DENND3: variants seen among roughly 807,000 people sequenced by gnomAD.
DENND3 encodes DENN domain containing 3.
In DENND3, 88 loss-of-function variants were observed where a neutral mutation model predicts 135.1. That is an observed-to-expected ratio of 0.65 (90% CI 0.55 to 0.78). The LOEUF is 0.78. DENND3 is among the 30% of genes least tolerant of loss of function. The pLI, the probability that DENND3 is intolerant of heterozygous loss-of-function variation, is 0.00. For missense variants in DENND3, 1,392 were observed against 1,688.4 expected, an observed-to-expected ratio of 0.82 and a Z score of 3.08; for synonymous variants, 693 against 712.3, an observed-to-expected ratio of 0.97 and a Z score of 0.43.
rs760753199 is a variant in DENND3, at chr8:141,136,761, C to A, written c.355C>A (p.Leu119Ile). The change falls in exon 2 of 23, where the codon CTC (leucine) becomes ATC (isoleucine). Residue 119 changes from leucine to isoleucine, a missense_variant. Coordinates refer to ENST00000519811, the MANE Select transcript of DENND3 (RefSeq NM_001352890.3). ...EDVAVPGGVD[L>I]LTLPQLCFPG... is the part of the protein sequence containing the mutation. ...TGTCGCCGTCCCGGGCGGCGTGGACCTCCTCACCCTGCCGCAGCTGTGCTT... is the reference window on the plus strand; with the variant it reads ...TGTCGCCGTCCCGGGCGGCGTGGACATCCTCACCCTGCCGCAGCTGTGCTT... 7 of 1,589,106 alleles carry A rather than the reference C, an allele frequency of 4.4e-6. No individual in the cohort carries two copies. Among genetic ancestry groups the A allele is most frequent in the Non-Finnish European group, 6.0e-6 (7 of 1,168,810 alleles).
In DENND3 at chr8:141,188,971, G is replaced by C. The variant is rs761569405; in HGVS notation, c.3085-15G>C. Reference sequence around the variant, plus strand: ...AGACTGACTGATTTCTCACGTTCCCGTGGCCTCCTGTTAGAACTGCATGGT... The same window carrying C: ...AGACTGACTGATTTCTCACGTTCCCCTGGCCTCCTGTTAGAACTGCATGGT... On this transcript the variant is annotated splice_polypyrimidine_tract_variant and intron_variant, in intron 18 of 22. Transcript: ENST00000519811. 3 of 1,606,928 alleles carry C rather than the reference G, an allele frequency of 1.9e-6. No homozygotes were observed. The African/African-American group carries it at 4.0e-5, about 22-fold the overall frequency.
chr8:141,147,871 G>T (rs1384576674), intron 5 of DENND3, among the ~76,000 whole-genome samples: 1 of 152,222 alleles, frequency 6.6e-6, no homozygotes, highest in African/African-American at 2.4e-5. Context: ...GTGTTAGCCA[G>T]TCAGTGCCTG....
At chr8:141,193,040 G>A (rs1415840302) in intron 22 of DENND3, 10 of 521,850 alleles carry the variant, frequency 1.9e-5, no homozygotes, top group African/African-American at 4.0e-5. Flanking sequence ...TCATGTGGCC[G>A]CCGTCCTTGG....
rs1817782426 is a variant in DENND3, at chr8:141,144,211, T to C, written c.687T>C (p.Ala229=). 2.5e-6 allele frequency: 4 copies of C among 1,613,946 alleles called. No homozygotes were observed. The South Asian group carries it at 4.4e-5, about 18-fold the overall frequency. ...TGGACAGTCATATAAAAGATTTCGC[T>C]GCGAAGCTGTCTTTAATACCCAGCC... The part of the protein sequence containing the change: ...FEVDSHIKDF[A]AKLSLIPSPP... Residue 229 remains alanine (A), a synonymous_variant, in exon 5 of 23, where the codon GCT becomes GCC. Coordinates refer to ENST00000519811, the MANE Select transcript of DENND3 (RefSeq NM_001352890.3). This position sits in a 1 kb window ranked among gnomAD's most constrained non-coding sequence, Gnocchi z 4.4.
At position 141,139,690 on chromosome 8, in the gene DENND3, A is replaced by T. The variant is rs770236407; in HGVS notation, c.502-1513A>T. 2.0e-5 allele frequency among the ~76,000 whole-genome samples: 3 copies of T among 152,208 alleles called. No individual in the cohort carries two copies. The highest frequency in any genetic ancestry group is 2.9e-5 in the Non-Finnish European group (2 of 68,040). ...GAGCAATGCGCATGTTGTTTTCGTT[A>T]TCATTAAATATAATACATATTAAAA... On this transcript the variant is annotated intron_variant, in intron 3 of 22. Coordinates refer to ENST00000519811, the MANE Select transcript of DENND3 (RefSeq NM_001352890.3). This position sits in a 1 kb window ranked among gnomAD's most constrained non-coding sequence, Gnocchi z 4.2.
chr8:141,137,913 C>A lies in DENND3; in HGVS notation c.386-109C>A. 9.1e-7 allele frequency: 1 copy of A among 1,093,584 alleles called. No homozygotes were observed. Among genetic ancestry groups the A allele is most frequent in the Non-Finnish European group, 1.3e-6 (1 of 759,172 alleles). 67.7% of individuals were successfully genotyped at this position (1,093,584 alleles called of 1,614,324 possible). A position where few individuals can be genotyped will look rare whatever the true frequency, so the allele number is the denominator to read the frequency against. On this transcript the variant is annotated intron_variant, in intron 2 of 22. Transcript: ENST00000519811. The surrounding 1 kb of genome is among the most constrained non-coding windows in gnomAD (Gnocchi z 4.1). ...CCCGCCTTGGACATGAAGGCACCAC[C>A]ACTGCTAACTGTGGAGGTGTGTCCT... is the stretch of plus-strand genomic sequence containing the variant.
chr8:141,183,756 T>TTTAA (rs1823509174), intron 17 of DENND3, among the ~76,000 whole-genome samples: 1 of 140,294 alleles, frequency 7.1e-6, no homozygotes, highest in African/African-American at 2.7e-5. Context: ...TTTTTTAATT[T>TTTAA]AAAAAAAAAA....
At chr8:141,192,793 C>T (rs753953572) in intron 22 of DENND3, 130 bp downstream of exon 22, 2 of 1,586,824 alleles carry the variant, frequency 1.3e-6, no homozygotes, top group Non-Finnish European at 8.5e-7. Flanking sequence ...GGTTCCCCTC[C>T]TAACAGGCAC....
At chr8:141,190,471 A>G (rs1298081665) in intron 20 of DENND3, 54 bp downstream of exon 20, 2 of 1,523,786 alleles carry the variant, frequency 1.3e-6, no homozygotes, top group South Asian at 1.3e-5. Flanking sequence ...GCTCTGGGAA[A>G]AGGATGCTGA....
chr8:141,141,397 CA>C lies in DENND3; in HGVS notation c.623+74del. On this transcript the variant is annotated intron_variant, in intron 4 of 22. Coordinates refer to ENST00000519811, the MANE Select transcript of DENND3 (RefSeq NM_001352890.3). The surrounding 1 kb of genome is among the most constrained non-coding windows in gnomAD (Gnocchi z 5.3). ...TGCCTCTCCAGGTGAGCCAAGGGAC[CA>C]GGGGGCTGGAGGTGGTGGGGGGGCA... is the stretch of plus-strand genomic sequence containing the variant. 3 of 1,408,408 alleles carry C rather than the reference CA, an allele frequency of 2.1e-6. No homozygotes were observed. The highest frequency in any genetic ancestry group is 2.8e-6 in the Non-Finnish European group (3 of 1,067,194). 87.2% of individuals were successfully genotyped at this position (1,408,408 alleles called of 1,614,324 possible). A position where few individuals can be genotyped will look rare whatever the true frequency, so the allele number is the denominator to read the frequency against.
intron 11 of DENND3, among the ~76,000 whole-genome samples, 198 bp downstream of exon 11, chr8:141,165,487 G>A (rs143823782): frequency 5.2e-4 from 76 of 146,446 alleles, no homozygotes; most frequent in African/African-American, 1.9e-3. Context: ...TTTTTGAGAC[G>A]GAGTCTCGCT....
At chr8:141,135,152 CTTTT>C (rs532006355) in intron 1 of DENND3, among the ~76,000 whole-genome samples, 10 of 134,950 alleles carry the variant, frequency 7.4e-5, no homozygotes, top group African/African-American at 8.4e-5. Flanking sequence ...TTCTTTCTTT[CTTTT>C]TTTTTTTTTT....
At chr8:141,172,740 A>G (rs1294871803) in intron 13 of DENND3, among the ~76,000 whole-genome samples, 1 of 152,158 alleles carries the variant, frequency 6.6e-6, no homozygotes, top group Non-Finnish European at 1.5e-5. Context: ...GATTCATGTA[A>G]CAAGTGCTTC....
At chr8:141,177,072 C>T (rs186631147) in intron 15 of DENND3, 154 of 348,400 alleles carry the variant, frequency 4.4e-4, no homozygotes, top group Admixed American at 2.6e-3. Context: ...CGGGGGCGGA[C>T]GGTGCTGGTG....
rs763250212 is a variant in DENND3 at position 141,174,752 on chromosome 8, C to T, written c.2276-448C>T. On this transcript the variant is annotated intron_variant, in intron 13 of 22. Transcript: ENST00000519811. This position sits in a 1 kb window ranked among gnomAD's most constrained non-coding sequence, Gnocchi z 4.6. ...GGCCGACCCAGTGGCAGGGCAGCGG[C>T]GCTAAGGATCCAACCTTCCCGGCGT... Among the ~76,000 whole-genome samples the T allele has an allele frequency of 2.0e-5, 3 of 152,178 alleles. No homozygotes were observed. Among genetic ancestry groups the T allele is most frequent in the Admixed American group, 6.5e-5 (1 of 15,288 alleles).
At position 141,167,238 on chromosome 8, in the gene DENND3, G is replaced by C. The variant is rs1236027536; in HGVS notation, c.1754-766G>C. On this transcript the variant is annotated intron_variant, in intron 12 of 22. Transcript: ENST00000519811. This position sits in a 1 kb window ranked among gnomAD's most constrained non-coding sequence, Gnocchi z 4.1. ...CCCCTGGCTGTGTGACCCTGGGCAG[G>C]CAGCTTCACCTCCCTGGTTCTGCAG... Among the ~76,000 whole-genome samples, 1 of 152,184 alleles carries C rather than the reference G, an allele frequency of 6.6e-6. No individual in the cohort carries two copies. Among genetic ancestry groups the C allele is most frequent in the Non-Finnish European group, 1.5e-5 (1 of 68,020 alleles).
At chr8:141,151,504 T>G in intron 6 of DENND3, 115 bp from the exon 7 acceptor site, 1 of 956,156 alleles carries the variant, frequency 1.0e-6, no homozygotes, top group Non-Finnish European at 1.6e-6. Context: ...GAGGCTGCAG[T>G]GAGCTATGAT....
In DENND3 at chr8:141,130,689, A is replaced by AT. The variant is rs768391721; in HGVS notation, c.102+1881dup. 4.1e-3 allele frequency among the ~76,000 whole-genome samples: 601 copies of AT among 148,186 alleles called. 2 individuals are homozygous for AT. Among genetic ancestry groups the AT allele is most frequent in the African/African-American group, 5.7e-3 (230 of 40,398 alleles). ...TTTTGAATGTCCAAGGCTTTTAAAT[A>AT]TATTTTTTTTTTTTTGAGACAGAGT... On this transcript the variant is annotated intron_variant, in intron 1 of 22. Transcript: ENST00000519811. The surrounding 1 kb of genome is among the most constrained non-coding windows in gnomAD (Gnocchi z 4.2).
chr8:141,185,162 G>A lies in DENND3; in HGVS notation c.2968G>A (p.Val990Ile). The A allele has an allele frequency of 6.2e-7, 1 of 1,614,104 alleles. No homozygotes were observed. The highest frequency in any genetic ancestry group is 8.5e-7 in the Non-Finnish European group (1 of 1,179,958). Reference protein sequence around the residue: ...TPGHLDPAEKVEDAHPKLWCA... With the variant: ...TPGHLDPAEKIEDAHPKLWCA... ...AGGGCATCTTGACCCAGCCGAAAAA[G>A]TTGAAGATGCTCACCCCAAGTTATG... The change falls in exon 18 of 23, where the codon GTT becomes ATT. Residue 990 changes from valine (V) to isoleucine (I), a missense_variant. Val to Ile is a conservative substitution (Grantham distance 29). Coordinates refer to ENST00000519811, the MANE Select transcript of DENND3 (RefSeq NM_001352890.3).
Sources: allele counts gnomAD v4.1 joint callset (sites outside exome capture counted in the v4.1 genomes callset), GRCh38; gene constraint gnomAD v4.1.1; non-coding constraint Gnocchi (gnomAD v3.1); transcripts MANE v1.5; gene names NCBI Gene and HGNC (gene_info 2026-07-23, HGNC 2026-07-21).